The following BLTP2 variants were observed in gnomAD, a reference collection of about 807,000 sequenced individuals.
BLTP2 encodes the protein bridge-like lipid transfer protein family member 2.
At chr17:28,642,558 G>A in the BLTP2 span, 29 of 577,442 alleles carry the variant, frequency 5.0e-5, no homozygotes, top group East Asian at 8.2e-4. Flanking sequence ...GGCTGAGGCA[G>A]GAGAATGGTC....
At chr17:28,619,943 T>C in the BLTP2 span, 3 of 1,614,138 alleles carry the variant, frequency 1.9e-6, no homozygotes, top group African/African-American at 1.3e-5. Flanking sequence ...TGCAGTATGC[T>C]GCTGCGTTGC....
At chr17:28,617,005 G>A in the BLTP2 span, 10 of 1,601,308 alleles carry the variant, frequency 6.2e-6, no homozygotes, top group Non-Finnish European at 8.5e-6. Flanking sequence ...ACTACCTGTA[G>A]GATAGAGAGT....
chr17:28,627,234 C>T, the BLTP2 span, among the ~76,000 whole-genome samples: 1 of 152,144 alleles, frequency 6.6e-6, no homozygotes, highest in Non-Finnish European at 1.5e-5. Flanking sequence ...TTTGAACGCA[C>T]TAGGCTTTCA....
At chr17:28,644,996 GAAAGA>G in the BLTP2 span, 1 of 1,586,776 alleles carries the variant, frequency 6.3e-7, no homozygotes, top group African/African-American at 1.4e-5. Context: ...CACCGGCCTA[GAAAGA>G]GGGCGCTAAG....
At chr17:28,633,823 G>C in the BLTP2 span, 1 of 1,597,286 alleles carries the variant, frequency 6.3e-7, no homozygotes, top group East Asian at 2.2e-5. Flanking sequence ...CTCCAGAAGG[G>C]TCTCAGCTCA....
the BLTP2 span, among the ~76,000 whole-genome samples, chr17:28,626,564 C>G: frequency 6.6e-6 from 1 of 152,186 alleles, no homozygotes; most frequent in Non-Finnish European, 1.5e-5. Flanking sequence ...TTCAGCCCCC[C>G]ACCCAACCCA....
At chr17:28,637,200 T>C in the BLTP2 span, 2 of 1,590,614 alleles carry the variant, frequency 1.3e-6, no homozygotes, top group Non-Finnish European at 1.7e-6. Context: ...TCAGCCTTGG[T>C]TCCCGGCTCT....
At chr17:28,628,733 G>C in the BLTP2 span, among the ~76,000 whole-genome samples, 1 of 152,132 alleles carries the variant, frequency 6.6e-6, no homozygotes, top group Non-Finnish European at 1.5e-5. Context: ...AGGAGTTTGG[G>C]ACCAGCCTGG....
At chr17:28,624,399 G>C in the BLTP2 span, 3 of 1,607,800 alleles carry the variant, frequency 1.9e-6, no homozygotes, top group South Asian at 3.3e-5. Context: ...ACCTGGCAGA[G>C]AAATAGGAAG....
chr17:28,642,504 A>T, the BLTP2 span: 1 of 613,834 alleles, frequency 1.6e-6, no homozygotes, highest in Admixed American at 2.8e-5. Flanking sequence ...ACAAAAAATT[A>T]GCCAGGCGCG....
the BLTP2 span, chr17:28,616,548 G>A: frequency 6.8e-6 from 11 of 1,613,886 alleles, no homozygotes; most frequent in African/African-American, 8.0e-5. This position sits in a 1 kb window ranked among gnomAD's most constrained non-coding sequence, Gnocchi z 4.8. Flanking sequence ...ATCCATCCTC[G>A]TTCTGAAGTC....
chr17:28,623,188 TTA>T, the BLTP2 span, among the ~76,000 whole-genome samples: 1 of 152,180 alleles, frequency 6.6e-6, no homozygotes, highest in Non-Finnish European at 1.5e-5. Context: ...GAATAAAGCT[TTA>T]TATTTTCAAA....
chr17:28,637,936 A>G, the BLTP2 span: 3 of 1,614,248 alleles, frequency 1.9e-6, no homozygotes, highest in Non-Finnish European at 2.5e-6. Context: ...GCCTAGAGAC[A>G]GCTGACTTCC....
At chr17:28,615,288 T>C in the BLTP2 span, 1 of 1,504,868 alleles carries the variant, frequency 6.6e-7, no homozygotes, top group Non-Finnish European at 9.1e-7. Context: ...TAAATATTAG[T>C]GGGCAGGCAG....
chr17:28,620,900 T>A, the BLTP2 span: 76 of 1,258,814 alleles, frequency 6.0e-5, no homozygotes, highest in Non-Finnish European at 8.4e-5. Flanking sequence ...GGATTTTTAA[T>A]AACTCTACTG....
the BLTP2 span, among the ~76,000 whole-genome samples, chr17:28,617,934 T>TC: frequency 1.4e-5 from 2 of 147,732 alleles, no homozygotes; most frequent in Non-Finnish European, 3.0e-5. Flanking sequence ...CAATTTTCTT[T>TC]TTTTTTTTTT....
At chr17:28,638,427 TGA>T in the BLTP2 span, 1 of 1,611,130 alleles carries the variant, frequency 6.2e-7, no homozygotes, top group African/African-American at 1.3e-5. Context: ...TGAACAAAGG[TGA>T]GAAAGAGGGA....
At chr17:28,645,079 T>A in the BLTP2 span, 1 of 1,567,730 alleles carries the variant, frequency 6.4e-7, no homozygotes, top group East Asian at 2.4e-5. Context: ...CCGGCCCGGC[T>A]TGGCCCCGGC....
the BLTP2 span, among the ~76,000 whole-genome samples, chr17:28,626,020 C>G: frequency 6.6e-6 from 1 of 152,240 alleles, no homozygotes; most frequent in Admixed American, 6.5e-5. Flanking sequence ...GCCTCGGCCT[C>G]CCAAAGTGCT....
Sources: allele counts gnomAD v4.1 joint callset (sites outside exome capture counted in the v4.1 genomes callset), GRCh38; gene constraint gnomAD v4.1.1; non-coding constraint Gnocchi (gnomAD v3.1); transcripts MANE v1.5; gene names NCBI Gene and HGNC (gene_info 2026-07-23, HGNC 2026-07-21).